The following MATN2 variants were observed in gnomAD, a reference collection of about 807,000 sequenced individuals.
MATN2 encodes matrilin-2.
MATN2 carries 69 observed loss-of-function variants against 103.2 expected under a neutral mutation model. That is an observed-to-expected ratio of 0.67 (90% CI 0.55 to 0.82). The LOEUF is 0.82. Among genes scored for constraint, MATN2 ranks in the 40% least tolerant of loss-of-function variants. MATN2 has a pLI of 0.00. For missense variants in MATN2, 1,023 were observed against 1,211.5 expected, an observed-to-expected ratio of 0.84 and a Z score of 2.31; for synonymous variants, 429 against 450.2, an observed-to-expected ratio of 0.95 and a Z score of 0.60.
chr8:97,883,284 CAA>C (rs149466404), intron 1 of MATN2, among the ~76,000 whole-genome samples: 75,895 of 115,158 alleles, frequency 0.66, 23,669 homozygotes, highest in Non-Finnish European at 0.75. Context: ...GACTCTGTCT[CAA>C]AAAAAAAAAA....
chr8:97,943,614 C>T (rs1181925079), intron 4 of MATN2, among the ~76,000 whole-genome samples: 4 of 152,178 alleles, frequency 2.6e-5, no homozygotes, highest in Non-Finnish European at 5.9e-5. Flanking sequence ...TCAGGGACCA[C>T]AGCTGCATGC....
intron 2 of MATN2, among the ~76,000 whole-genome samples, chr8:97,912,706 G>C (rs762622395): frequency 9.2e-5 from 14 of 152,128 alleles, no homozygotes; most frequent in Non-Finnish European, 1.8e-4. Context: ...TAGGCCTTCA[G>C]GTCAGCTTTG....
chr8:97,907,494 T>G (rs1819217878), intron 2 of MATN2, among the ~76,000 whole-genome samples: 1 of 144,212 alleles, frequency 6.9e-6, no homozygotes, highest in South Asian at 2.1e-4. Context: ...TTTTTTTTTT[T>G]TGTATTTTTA....
At chr8:97,908,900 A>G (rs1399318848) in intron 2 of MATN2, among the ~76,000 whole-genome samples, 1 of 151,980 alleles carries the variant, frequency 6.6e-6, no homozygotes, top group Admixed American at 6.6e-5. Context: ...AAGTGTTGGG[A>G]TTATAGGTGT....
intron 10 of MATN2, among the ~76,000 whole-genome samples, chr8:98,009,805 G>A (rs531341159): frequency 1.3e-5 from 2 of 152,140 alleles, no homozygotes; most frequent in Non-Finnish European, 2.9e-5. Context: ...CTCTCTAGAC[G>A]TTTCCCTGAG....
intron 2 of MATN2, among the ~76,000 whole-genome samples, chr8:97,893,786 G>A (rs570937078): frequency 1.8e-4 from 27 of 151,986 alleles, no homozygotes; most frequent in Admixed American, 1.2e-3. Context: ...CATGTTGGCC[G>A]CCTGCCTCGG....
At chr8:97,975,942 G>A (rs190795867) in intron 5 of MATN2, among the ~76,000 whole-genome samples, 1 of 152,260 alleles carries the variant, frequency 6.6e-6, no homozygotes, top group East Asian at 1.9e-4. Context: ...AGGATGTGGT[G>A]CTAGCTCAGT....
intron 4 of MATN2, among the ~76,000 whole-genome samples, chr8:97,949,616 TTACC>T (rs1340727712): frequency 3.9e-5 from 6 of 152,178 alleles, no homozygotes; most frequent in Non-Finnish European, 8.8e-5. Context: ...AGTTAGATAT[TTACC>T]TATCATGTGA....
At chr8:97,990,958 T>G (rs535450490) in intron 6 of MATN2, among the ~76,000 whole-genome samples, 2 of 152,208 alleles carry the variant, frequency 1.3e-5, no homozygotes, top group African/African-American at 4.8e-5. Flanking sequence ...AGGATACATA[T>G]GCAAAATGCA....
In MATN2 at chr8:97,918,143, A is replaced by G. The variant is rs1036572648; in HGVS notation, c.143-12810A>G. 3.3e-5 allele frequency among the ~76,000 whole-genome samples: 5 copies of G among 152,318 alleles called. No individual in the cohort carries two copies. The South Asian group carries it at 8.3e-4, about 25-fold the overall frequency. ...TAGAAATACTAATTTTTAAAAAAGA[A>G]GAATCTCTAGCGACCGTTCAGTGTG... On this transcript the variant is annotated intron_variant, in intron 2 of 18. Transcript: ENST00000254898.
At position 97,888,354 on chromosome 8, in the gene MATN2, T is replaced by C. The variant is rs1365070379; in HGVS notation, c.142+112T>C. On this transcript the variant is annotated intron_variant, in intron 2 of 18. Coordinates refer to ENST00000254898, the MANE Select transcript of MATN2 (RefSeq NM_002380.5). ...AGCTTTCCTTTCCCTGGGTCCTTGT[T>C]GGATGTGCTGGGCCTGGGGTCCTCA... The C allele has an allele frequency of 3.2e-6, 4 of 1,267,310 alleles. No individual in the cohort carries two copies. In the Admixed American group the frequency reaches 1.5e-4, roughly 47 times the overall value. 78.5% of individuals were successfully genotyped at this position (1,267,310 alleles called of 1,614,324 possible). A position where few individuals can be genotyped will look rare whatever the true frequency, so the allele number is the denominator to read the frequency against.
At chr8:97,888,333 T>C (rs950524833) in intron 2 of MATN2, 91 bp downstream of exon 2, 1 of 1,342,332 alleles carries the variant, frequency 7.4e-7, no homozygotes, top group African/African-American at 1.5e-5. Context: ...TTGAGAAGCT[T>C]TCCTTTCCCT....
At chr8:97,996,596 C>T (rs1185464620) in intron 7 of MATN2, among the ~76,000 whole-genome samples, 2 of 152,198 alleles carry the variant, frequency 1.3e-5, no homozygotes, top group Admixed American at 6.5e-5. Context: ...CGTCCCGCCT[C>T]ATCGTTACAT....
At chr8:98,033,722 A>C (rs771601149) in intron 18 of MATN2, 63 bp downstream of exon 18, 1 of 1,074,236 alleles carries the variant, frequency 9.3e-7, no homozygotes, top group Non-Finnish European at 1.4e-6. Flanking sequence ...AACTTCACAC[A>C]CTCTATGTAG....
At chr8:97,932,159 C>T (rs532001832) in intron 3 of MATN2, among the ~76,000 whole-genome samples, 2 of 152,160 alleles carry the variant, frequency 1.3e-5, no homozygotes, top group Non-Finnish European at 2.9e-5. Context: ...AAGCCCAAAC[C>T]ACAGAATGAG....
intron 4 of MATN2, among the ~76,000 whole-genome samples, chr8:97,956,765 T>C (rs1033972424): frequency 6.6e-6 from 1 of 152,180 alleles, no homozygotes; most frequent in African/African-American, 2.4e-5. Flanking sequence ...TTCTGGTGTG[T>C]GAATACCTCT....
chr8:98,030,409 C>T, intron 14 of MATN2, 53 bp from the exon 15 acceptor site: 1 of 1,509,618 alleles, frequency 6.6e-7, no homozygotes, highest in East Asian at 2.3e-5. Flanking sequence ...CAACTTCCAG[C>T]CCCTGGGAAC....
chr8:97,894,151 T>G (rs1818725933), intron 2 of MATN2, among the ~76,000 whole-genome samples: 2 of 152,070 alleles, frequency 1.3e-5, no homozygotes, highest in Non-Finnish European at 2.9e-5. Context: ...GGCCCTGCAG[T>G]CTGGTCAGGG....
At chr8:97,898,957 T>C (rs1446970671) in intron 2 of MATN2, among the ~76,000 whole-genome samples, 2 of 152,040 alleles carry the variant, frequency 1.3e-5, no homozygotes, top group East Asian at 3.8e-4. Context: ...GGTTTCACCA[T>C]GTTGGCCAGG....
Sources: gnomAD v4.1 joint callset for allele counts (sites outside exome capture counted in the v4.1 genomes callset) on GRCh38, gnomAD v4.1.1 for gene constraint, MANE v1.5 for transcripts, NCBI Gene and HGNC (gene_info 2026-07-23, HGNC 2026-07-21) for gene names.